ADAM32: variants seen among roughly 807,000 people sequenced by gnomAD.
ADAM32 encodes the protein disintegrin and metalloproteinase domain-containing protein 32.
Under a neutral mutation model 114.9 loss-of-function variants are expected in ADAM32, and 89 were observed. The ratio of observed to expected loss-of-function variants is 0.77; its 90% CI spans 0.65 to 0.92. The LOEUF is 0.92. Ranked by LOEUF, ADAM32 falls within the 40% of genes least tolerant of loss-of-function variation. ADAM32 has a pLI of 0.00. For synonymous variants in ADAM32, 285 were observed against 307.5 expected (o/e 0.93, Z 0.77); for missense variants, 870 against 932.8 (o/e 0.93, Z 0.88).
chr8:39,176,051 G>C (rs1323942831), intron 10 of ADAM32, among the ~76,000 whole-genome samples: 2 of 152,068 alleles, frequency 1.3e-5, no homozygotes, highest in Non-Finnish European at 2.9e-5. Flanking sequence ...ATTTCTGATT[G>C]TATCTATTTG....
chr8:39,166,782 C>T (rs1013892765), intron 9 of ADAM32: 1 of 151,880 alleles, frequency 6.6e-6, no homozygotes, highest in African/African-American at 2.4e-5. Flanking sequence ...CATTTCCCTG[C>T]TCATTAGTGT....
At chr8:39,224,704 C>T (rs1320136510) in intron 14 of ADAM32, among the ~76,000 whole-genome samples, 1 of 151,884 alleles carries the variant, frequency 6.6e-6, no homozygotes, top group Non-Finnish European at 1.5e-5. Flanking sequence ...TAAAAGTTGG[C>T]TTTTCACTAT....
At chr8:39,177,942 T>G (rs1480905605) in intron 10 of ADAM32, among the ~76,000 whole-genome samples, 1 of 147,376 alleles carries the variant, frequency 6.8e-6, no homozygotes, top group Non-Finnish European at 1.5e-5. Flanking sequence ...GCCTTAACAT[T>G]TTTTTTTTTT....
At chr8:39,123,707 T>TA (rs1801927479) in intron 2 of ADAM32, among the ~76,000 whole-genome samples, 1 of 149,752 alleles carries the variant, frequency 6.7e-6, no homozygotes, top group Non-Finnish European at 1.5e-5. Context: ...TTCTTTCCTT[T>TA]TTTTTTTTTT....
intron 2 of ADAM32, among the ~76,000 whole-genome samples, chr8:39,126,031 T>C (rs1802096140): frequency 6.6e-6 from 1 of 152,172 alleles, no homozygotes; most frequent in Non-Finnish European, 1.5e-5. Context: ...GTGTCTGTTC[T>C]TGTACCAGTA....
chr8:39,157,506 G>T, intron 6 of ADAM32: 1 of 408,786 alleles, frequency 2.4e-6, no homozygotes, highest in Non-Finnish European at 4.7e-6. Context: ...CTTTTATTGA[G>T]ATCCCATCAG....
At chr8:39,137,938 C>T (rs1802903918) in intron 3 of ADAM32, among the ~76,000 whole-genome samples, 1 of 152,258 alleles carries the variant, frequency 6.6e-6, no homozygotes, top group South Asian at 2.1e-4. Context: ...AGAGAGCTCA[C>T]ATTGCATTTG....
chr8:39,179,841 T>G (rs1805741755), intron 10 of ADAM32, among the ~76,000 whole-genome samples: 1 of 152,246 alleles, frequency 6.6e-6, no homozygotes, highest in South Asian at 2.1e-4. Flanking sequence ...GCCGTTTTCA[T>G]TCCTTTCCAT....
chr8:39,183,182 G>A lies in ADAM32; in HGVS notation c.916-3727G>A, dbSNP rs1189105057. Among the ~76,000 whole-genome samples the A allele has an allele frequency of 2.6e-5, 4 of 152,170 alleles. No homozygotes were observed. The East Asian group carries it at 5.8e-4, about 22-fold the overall frequency. On this transcript the variant is annotated intron_variant, in intron 10 of 24. Coordinates refer to ENST00000379907, the MANE Select transcript of ADAM32 (RefSeq NM_145004.7). The stretch of plus-strand genomic sequence containing the variant: ...GATGCTGTTGGCTAGTCTTTCTGGC[G>A]TGGCACCTCCATTGGCCAGAATGAA...
intron 17 of ADAM32, among the ~76,000 whole-genome samples, chr8:39,249,454 C>T (rs1282381561): frequency 1.3e-5 from 2 of 151,978 alleles, no homozygotes; most frequent in East Asian, 3.8e-4. Flanking sequence ...CTGTAGTTTC[C>T]ATTTCTTGTA....
intron 6 of ADAM32, among the ~76,000 whole-genome samples, chr8:39,158,900 A>C (rs1390362329): frequency 6.6e-6 from 1 of 151,902 alleles, no homozygotes; most frequent in African/African-American, 2.4e-5. Context: ...GATACTCTCT[A>C]TTTGGTGAAG....
At chr8:39,177,553 T>C (rs1805606331) in intron 10 of ADAM32, among the ~76,000 whole-genome samples, 1 of 152,246 alleles carries the variant, frequency 6.6e-6, no homozygotes, top group African/African-American at 2.4e-5. Context: ...CCTGTCATCA[T>C]GATTCTAGCT....
In ADAM32 at chr8:39,220,530, CT is replaced by C. The variant is rs578038573; in HGVS notation, c.1234-1074del. On this transcript the variant is annotated intron_variant, in intron 12 of 24. Transcript: ENST00000379907. ...AGGTTGCTAATTTGAAAATTTTCTC[CT>C]TTTTTGATGTAGGCATTTATTCTTA... Among the ~76,000 whole-genome samples, 4 of 152,026 alleles carry C rather than the reference CT, an allele frequency of 2.6e-5. No homozygotes were observed. In the South Asian group the frequency reaches 8.3e-4, roughly 32 times the overall value.
chr8:39,273,427 T>C (rs1812862424), intron 20 of ADAM32, among the ~76,000 whole-genome samples: 1 of 151,926 alleles, frequency 6.6e-6, no homozygotes, highest in African/African-American at 2.4e-5. Context: ...CTCAGGAGGG[T>C]GAGGCAGGAG....
intron 12 of ADAM32, chr8:39,220,877 A>G (rs554355046): frequency 6.6e-6 from 1 of 151,314 alleles, no homozygotes; most frequent in Non-Finnish European, 1.5e-5. Flanking sequence ...TGAAAATAAT[A>G]TGTATTCTAT....
At chr8:39,163,172 T>C (rs1431165452) in intron 7 of ADAM32, among the ~76,000 whole-genome samples, 14 of 152,168 alleles carry the variant, frequency 9.2e-5, no homozygotes, top group Admixed American at 9.2e-4. Flanking sequence ...GAAACACAAC[T>C]GTAAGTTGTT....
chr8:39,283,283 G>C (rs1340862304), intron 23 of ADAM32, among the ~76,000 whole-genome samples: 1 of 151,830 alleles, frequency 6.6e-6, no homozygotes, highest in Non-Finnish European at 1.5e-5. Flanking sequence ...GTTGGTGTAT[G>C]CTTGTAGCCT....
intron 18 of ADAM32, among the ~76,000 whole-genome samples, chr8:39,255,802 A>G (rs758896540): frequency 5.9e-5 from 9 of 152,138 alleles, no homozygotes; most frequent in Non-Finnish European, 1.3e-4. Context: ...CGCTTTGCCT[A>G]AGCCAATGTC....
chr8:39,195,420 G>A (rs7003066), intron 11 of ADAM32, among the ~76,000 whole-genome samples: 146,084 of 152,334 alleles, frequency 0.96, 70,374 homozygotes, highest in East Asian at 1. Flanking sequence ...TTTGCTGTAC[G>A]TAAGTTTTTT....
Sources: gnomAD v4.1 joint callset for allele counts (sites outside exome capture counted in the v4.1 genomes callset) on GRCh38, gnomAD v4.1.1 for gene constraint, MANE v1.5 for transcripts, NCBI Gene and HGNC (gene_info 2026-07-23, HGNC 2026-07-21) for gene names.